CHL1: variants seen among roughly 807,000 people sequenced by gnomAD.
CHL1 encodes neural cell adhesion molecule L1-like protein.
CHL1 carries 96 observed loss-of-function variants against 141.9 expected under a neutral mutation model. That is an observed-to-expected ratio of 0.68 (90% CI 0.57 to 0.80). The LOEUF is 0.80. Among genes scored for constraint, CHL1 ranks in the 30% least tolerant of loss-of-function variants. The pLI is 0.00. For synonymous variants in CHL1, 613 were observed against 502.2 expected (o/e 1.22, Z -2.95); for missense variants, 1,820 against 1,457.2 (o/e 1.25, Z -4.05).
rs147921028 is a variant in CHL1 at position 310,995 on chromosome 3, C to T, written c.-94-8688C>T. Among the ~76,000 whole-genome samples, 1,032 of 152,270 alleles carry T rather than the reference C, an allele frequency of 6.8e-3. 13 individuals carry two copies. Among genetic ancestry groups the T allele is most frequent in the African/African-American group, 0.024 (998 of 41,564 alleles). ...AGAATCAAACAGTATCTGGTGTTTT[C>T]AAATTGGCCTGTTCACTTAATGTGC... On this transcript the variant is annotated intron_variant, in intron 2 of 27. Coordinates refer to ENST00000256509, the MANE Select transcript of CHL1 (RefSeq NM_006614.4).
intron 2 of CHL1, among the ~76,000 whole-genome samples, chr3:297,207 C>T (rs920835866): frequency 6.6e-6 from 1 of 151,714 alleles, no homozygotes; most frequent in Admixed American, 6.6e-5. Context: ...ACCTGTGTGA[C>T]AAAGTGAGAC....
intron 23 of CHL1, among the ~76,000 whole-genome samples, chr3:393,232 C>CAAGAAAAA (rs542781394): frequency 2.1e-5 from 2 of 94,678 alleles, no homozygotes. Flanking sequence ...GACTCCGTCT[C>CAAGAAAAA]AAAAAAAAAA....
intron 3 of CHL1, among the ~76,000 whole-genome samples, chr3:323,530 T>G (rs1002209026): frequency 5.3e-5 from 8 of 152,246 alleles, no homozygotes; most frequent in Admixed American, 2.6e-4. Flanking sequence ...AGGGTTTAGA[T>G]TTCACATTTC....
intron 1 of CHL1, among the ~76,000 whole-genome samples, chr3:238,667 A>G (rs1219200617): frequency 6.6e-6 from 1 of 152,016 alleles, no homozygotes; most frequent in African/African-American, 2.4e-5. Flanking sequence ...GCTCACGCCT[A>G]TAATCCCAGC....
chr3:305,346 C>T (rs1324616226), intron 2 of CHL1, among the ~76,000 whole-genome samples: 1 of 152,040 alleles, frequency 6.6e-6, no homozygotes, highest in Non-Finnish European at 1.5e-5. Context: ...GAAAACTTTT[C>T]TAGAGTAGAG....
At chr3:396,326 T>C (rs1220572814) in intron 24 of CHL1, among the ~76,000 whole-genome samples, 1 of 152,166 alleles carries the variant, frequency 6.6e-6, no homozygotes, top group Non-Finnish European at 1.5e-5. Context: ...AGTCCAAACA[T>C]GCAACTGCCA....
chr3:269,020 G>A (rs1465926283), intron 2 of CHL1, among the ~76,000 whole-genome samples: 2 of 152,170 alleles, frequency 1.3e-5, no homozygotes, highest in Non-Finnish European at 2.9e-5. Context: ...GTTCACAGCT[G>A]CATGCAGAGA....
Position 196,860 on chromosome 3 carries a change from G to C in CHL1, c.-378G>C, listed in dbSNP as rs1361382367. ...AACGGCTCCAGCCTTCCCGCGGCCA[G>C]AGAGCCAGCGGCGGGAGGGGACGGG... On this transcript the variant is annotated 5_prime_UTR_variant, in exon 1 of 28. Coordinates refer to ENST00000256509, the MANE Select transcript of CHL1 (RefSeq NM_006614.4). 6.6e-6 allele frequency: 1 copy of C among 152,560 alleles called. No individual in the cohort carries two copies. The highest frequency in any genetic ancestry group is 6.5e-5 in the Admixed American group (1 of 15,296). 9.5% of individuals were successfully genotyped at this position (152,560 alleles called of 1,614,324 possible).
intron 15 of CHL1, among the ~76,000 whole-genome samples, chr3:377,355 C>G (rs895318456): frequency 1.3e-5 from 2 of 152,148 alleles, no homozygotes; most frequent in Admixed American, 1.3e-4. Context: ...TTGTGAAAAA[C>G]TGAGATTATC....
At chr3:218,829 CG>C (rs1451047957) in intron 1 of CHL1, among the ~76,000 whole-genome samples, 1 of 152,042 alleles carries the variant, frequency 6.6e-6, no homozygotes, top group Non-Finnish European at 1.5e-5. Context: ...CATTTCGCAC[CG>C]GTCAGAATGG....
chr3:355,114 T>C (rs1424784373), intron 11 of CHL1, among the ~76,000 whole-genome samples: 1 of 152,198 alleles, frequency 6.6e-6, no homozygotes, highest in Non-Finnish European at 1.5e-5. Flanking sequence ...AACAGTAGCC[T>C]AGCAGCTGAG....
intron 15 of CHL1, among the ~76,000 whole-genome samples, chr3:368,470 T>C (rs1705189185): frequency 6.6e-6 from 1 of 152,208 alleles, no homozygotes; most frequent in African/African-American, 2.4e-5. Context: ...TATGTTTAAG[T>C]TCCTTTTAAA....
Position 358,529 on chromosome 3 carries a change from A to G in CHL1, c.1166-1755A>G, listed in dbSNP as rs556056411. On this transcript the variant is annotated intron_variant, in intron 11 of 27. Coordinates refer to ENST00000256509, the MANE Select transcript of CHL1 (RefSeq NM_006614.4). ...AGAACGTGTACATCTTTCAGGGGCT[A>G]TTGTTTTGCCTACTTACAGGGGCCT... is the stretch of plus-strand genomic sequence containing the variant. 1.2e-4 allele frequency among the ~76,000 whole-genome samples: 19 copies of G among 152,282 alleles called. 1 individual carries two copies. The highest frequency in any genetic ancestry group is 4.6e-4 in the African/African-American group (19 of 41,548).
intron 3 of CHL1, among the ~76,000 whole-genome samples, chr3:322,629 T>TTATATATATATATAAAATATATA (rs1559252474): frequency 1.0e-4 from 12 of 119,874 alleles, no homozygotes; most frequent in East Asian, 2.2e-4. Flanking sequence ...CATCTCTAAA[T>TTATATATATATATAAAATATATA]TATATATATA....
intron 5 of CHL1, among the ~76,000 whole-genome samples, chr3:337,626 T>C (rs1293167785): frequency 1.3e-5 from 2 of 152,080 alleles, no homozygotes; most frequent in African/African-American, 2.4e-5. Flanking sequence ...GTTTGGTTTT[T>C]TGTCCTTGCG....
intron 10 of CHL1, among the ~76,000 whole-genome samples, chr3:351,718 A>G (rs905887426): frequency 6.6e-6 from 1 of 152,152 alleles, no homozygotes; most frequent in Non-Finnish European, 1.5e-5. Flanking sequence ...CTGTATGTGC[A>G]ATGTCTTTCC....
intron 27 of CHL1, 70 bp from the exon 28 acceptor site, chr3:405,425 T>C (rs943816768): frequency 9.7e-7 from 1 of 1,027,456 alleles, no homozygotes; most frequent in Non-Finnish European, 1.5e-6. Flanking sequence ...TTATCACTTA[T>C]GACTGTGTTG....
rs142938001 is a variant in CHL1, at chr3:276,247, T to A, written c.-95+31555T>A. 6.4e-3 allele frequency among the ~76,000 whole-genome samples: 976 copies of A among 152,284 alleles called. 10 individuals carry two copies. The highest frequency in any genetic ancestry group is 0.021 in the African/African-American group (874 of 41,550). On this transcript the variant is annotated intron_variant, in intron 2 of 27. Transcript: ENST00000256509. The stretch of plus-strand genomic sequence containing the variant: ...AAGTATTATATTGCACCACCAATCA[T>A]ATTGTATATGATTTGTGTCCATTGT...
intron 2 of CHL1, 77 bp from the exon 3 acceptor site, chr3:319,606 A>G (rs562958828): frequency 3.7e-4 from 189 of 510,960 alleles, no homozygotes; most frequent in African/African-American, 3.6e-3. Flanking sequence ...AAAAAAAAAA[A>G]AAAAGAAGGT....
Sources: allele counts gnomAD v4.1 joint callset (sites outside exome capture counted in the v4.1 genomes callset), GRCh38; gene constraint gnomAD v4.1.1; transcripts MANE v1.5; gene names NCBI Gene and HGNC (gene_info 2026-07-23, HGNC 2026-07-21).